PTPRE: variants seen among roughly 807,000 people sequenced by gnomAD.
The protein encoded by PTPRE is protein tyrosine phosphatase receptor type E.
PTPRE carries 51 observed loss-of-function variants against 102.0 expected under a neutral mutation model. That is an observed-to-expected ratio of 0.50 (90% CI 0.40 to 0.63). The LOEUF (loss-of-function observed/expected upper bound fraction) is 0.63. Among genes scored for constraint, PTPRE ranks in the 30% least tolerant of loss-of-function variants. PTPRE has a pLI of 0.00. For missense variants in PTPRE, 752 were observed against 915.1 expected (o/e 0.82, Z 2.30); for synonymous variants, 345 against 348.2 (o/e 0.99, Z 0.10).
chr10:128,078,653 C>T (rs1054764459), intron 19 of PTPRE, among the ~76,000 whole-genome samples: 11 of 152,216 alleles, frequency 7.2e-5, no homozygotes, highest in African/African-American at 2.4e-4. Flanking sequence ...TGGACCCCAC[C>T]GGGGTGCACT....
At chr10:128,056,053 G>T in intron 6 of PTPRE, 70 bp from the exon 7 acceptor site, 1 of 1,241,784 alleles carries the variant, frequency 8.1e-7, no homozygotes, top group South Asian at 1.2e-5. Flanking sequence ...CCTGTGCTCA[G>T]TAGGGAAACT....
chr10:128,027,822 C>T (rs913901171), intron 2 of PTPRE, among the ~76,000 whole-genome samples: 1 of 152,214 alleles, frequency 6.6e-6, no homozygotes, highest in Non-Finnish European at 1.5e-5. Context: ...CCGAGAGAGA[C>T]CCCAATCTGG....
At chr10:127,954,962 A>G (rs1849290677) in intron 1 of PTPRE, among the ~76,000 whole-genome samples, 1 of 151,718 alleles carries the variant, frequency 6.6e-6, no homozygotes, top group Non-Finnish European at 1.5e-5. Context: ...TAAGGATGCC[A>G]CTTGGCCCCT....
At chr10:127,943,356 G>C (rs965038698) in intron 1 of PTPRE, among the ~76,000 whole-genome samples, 1 of 152,192 alleles carries the variant, frequency 6.6e-6, no homozygotes, top group African/African-American at 2.4e-5. Context: ...CCCTCGAGTT[G>C]AGGAGTAGGT....
chr10:128,083,731 C>T lies in PTPRE; in HGVS notation c.*825C>T, dbSNP rs1376853793. The T allele has an allele frequency of 6.6e-6, 1 of 152,368 alleles. No individual in the cohort carries two copies. The highest frequency in any genetic ancestry group is 6.5e-5 in the Admixed American group (1 of 15,282). The allele number at this position is 152,368 out of a possible 1,614,324, so 9.4% of individuals were successfully genotyped here. A position where few individuals can be genotyped will look rare whatever the true frequency, so the allele number is the denominator to read the frequency against. The stretch of plus-strand genomic sequence containing the variant: ...CCAGCTGCCTCTCCCATTCTCCCCT[C>T]CCGTTCTGCCACAGCGGCCTGGGCT... On this transcript the variant is annotated 3_prime_UTR_variant, in exon 21 of 21. Coordinates refer to ENST00000254667, the MANE Select transcript of PTPRE (RefSeq NM_006504.6).
At chr10:127,981,692 C>A (rs114929087) in intron 1 of PTPRE, among the ~76,000 whole-genome samples, 2,768 of 152,038 alleles carry the variant, frequency 0.018, 68 homozygotes, top group African/African-American at 0.061. Context: ...GTGGCACATA[C>A]CTGTAGTCCT....
Position 128,070,291 on chromosome 10 carries a change from C to A in PTPRE, c.1144-10C>A. 2 of 1,600,360 alleles carry A rather than the reference C, an allele frequency of 1.2e-6. No individual in the cohort carries two copies. Among genetic ancestry groups the A allele is most frequent in the Non-Finnish European group, 1.7e-6 (2 of 1,172,394 alleles). On this transcript the variant is annotated splice_polypyrimidine_tract_variant and intron_variant, in intron 13 of 20. Transcript: ENST00000254667. This position sits in a 1 kb window ranked among gnomAD's most constrained non-coding sequence, Gnocchi z 4.8. ...AGTTGAGGGTGTGGGCACCCCTGGC[C>A]TCTCTGCAGATGCAGTACACGTTCA...
chr10:127,957,131 A>G (rs896914891), intron 1 of PTPRE, among the ~76,000 whole-genome samples: 4 of 152,090 alleles, frequency 2.6e-5, no homozygotes, highest in African/African-American at 9.7e-5. Flanking sequence ...TTGGTATTGT[A>G]TCTAAAAAGT....
intron 9 of PTPRE, chr10:128,062,854 G>A (rs1306074294): frequency 4.7e-6 from 3 of 640,012 alleles, no homozygotes; most frequent in African/African-American, 3.6e-5. Context: ...ACTCAACCTG[G>A]GCCCAATTAT....
intron 17 of PTPRE, among the ~76,000 whole-genome samples, chr10:128,074,428 G>A (rs1164545961): frequency 6.6e-6 from 1 of 152,224 alleles, no homozygotes; most frequent in South Asian, 2.1e-4. Flanking sequence ...CCCTTTGGGA[G>A]TCCAAGGCGG....
chr10:128,009,799 A>C lies in PTPRE; in HGVS notation c.-8+27503A>C, dbSNP rs139595110. 2.0e-5 allele frequency among the ~76,000 whole-genome samples: 3 copies of C among 152,360 alleles called. No homozygotes were observed. The East Asian group carries it at 5.8e-4, about 29-fold the overall frequency. ...CCAATGAAATGGAGGAAATTTATTT[A>C]GCACATAATTGTAGTCTCGTTTCAT... On this transcript the variant is annotated intron_variant, in intron 2 of 20. Coordinates refer to ENST00000254667, the MANE Select transcript of PTPRE (RefSeq NM_006504.6).
intron 1 of PTPRE, among the ~76,000 whole-genome samples, chr10:127,977,769 G>A (rs917153204): frequency 3.9e-5 from 6 of 152,182 alleles, no homozygotes; most frequent in African/African-American, 1.2e-4. Context: ...TCCTGTGGGC[G>A]CCCTCACTGG....
chr10:128,011,194 G>C (rs1844981645), intron 2 of PTPRE, among the ~76,000 whole-genome samples: 1 of 152,198 alleles, frequency 6.6e-6, no homozygotes, highest in South Asian at 2.1e-4. Flanking sequence ...CTGGGGTAGA[G>C]ATAACAGACC....
At chr10:127,912,249 T>C (rs1017896820) in intron 1 of PTPRE, among the ~76,000 whole-genome samples, 1 of 152,244 alleles carries the variant, frequency 6.6e-6, no homozygotes, top group Non-Finnish European at 1.5e-5. Context: ...ACTGTATGAA[T>C]ACTTCAGAGG....
chr10:127,952,258 T>C (rs545268357), intron 1 of PTPRE, among the ~76,000 whole-genome samples: 1 of 152,274 alleles, frequency 6.6e-6, no homozygotes, highest in Non-Finnish European at 1.5e-5. Flanking sequence ...TCAGCTTAGG[T>C]CAGCAAAACT....
At chr10:127,914,982 G>T (rs575516512) in intron 1 of PTPRE, among the ~76,000 whole-genome samples, 1 of 152,182 alleles carries the variant, frequency 6.6e-6, no homozygotes, top group Non-Finnish European at 1.5e-5. Flanking sequence ...AATTCCTGGG[G>T]AGGAAATCAG....
chr10:128,039,224 G>A (rs1488783934), intron 2 of PTPRE, among the ~76,000 whole-genome samples: 2 of 152,146 alleles, frequency 1.3e-5, no homozygotes, highest in African/African-American at 4.8e-5. Flanking sequence ...GCCTGTCGTA[G>A]AAGGGCCAGG....
chr10:127,923,671 A>G (rs1589742543), intron 1 of PTPRE, among the ~76,000 whole-genome samples: 1 of 152,010 alleles, frequency 6.6e-6, no homozygotes, highest in Non-Finnish European at 1.5e-5. Flanking sequence ...CAAAGTTTTG[A>G]ATTATTTTTA....
chr10:128,068,954 G>T (rs1246787795), intron 12 of PTPRE: 2 of 152,532 alleles, frequency 1.3e-5, no homozygotes, highest in South Asian at 2.1e-4. Context: ...CCTCACCAGG[G>T]TATCACTTTG....
Sources: gnomAD v4.1 joint callset for allele counts (sites outside exome capture counted in the v4.1 genomes callset) on GRCh38, gnomAD v4.1.1 for gene constraint, Gnocchi (gnomAD v3.1) non-coding constraint, MANE v1.5 for transcripts, NCBI Gene and HGNC (gene_info 2026-07-23, HGNC 2026-07-21) for gene names.